Variants in RNF169 observed in about 807,000 individuals in gnomAD.
RNF169 encodes the protein E3 ubiquitin-protein ligase RNF169.
In RNF169, 24 loss-of-function variants were observed where a neutral mutation model predicts 53.9. The ratio of observed to expected loss-of-function variants is 0.45; its 90% CI spans 0.32 to 0.63. The LOEUF (loss-of-function observed/expected upper bound fraction) is 0.63. Ranked by LOEUF, RNF169 falls within the 20% of genes least tolerant of loss-of-function variation. The pLI is 0.04. For missense variants in RNF169, 883 were observed against 906.2 expected, an observed-to-expected ratio of 0.97 and a Z score of 0.33; for synonymous variants, 396 against 363.5, an observed-to-expected ratio of 1.09 and a Z score of -1.02.
intron 1 of RNF169, among the ~76,000 whole-genome samples, chr11:74,780,708 T>G (rs905453383): frequency 2.0e-5 from 3 of 152,222 alleles, no homozygotes; most frequent in African/African-American, 7.2e-5. Context: ...TGAAGCAGAT[T>G]GTAGCAGACA....
In RNF169 at chr11:74,807,232, A is replaced by G. The variant is rs547123287; in HGVS notation, c.577-2952A>G. On this transcript the variant is annotated intron_variant, in intron 2 of 5. Coordinates refer to ENST00000299563, the MANE Select transcript of RNF169 (RefSeq NM_001098638.2). ...TTACTCAGGTTGTACAAGCCAATCA[A>G]TGTGGAGTATTTAACACTCCATGGG... is the stretch of plus-strand genomic sequence containing the variant. 1.9e-4 allele frequency among the ~76,000 whole-genome samples: 29 copies of G among 152,254 alleles called. No homozygotes were observed. The East Asian group carries it at 2.7e-3, about 14-fold the overall frequency.
chr11:74,821,053 T>C (rs1200808814), intron 4 of RNF169, among the ~76,000 whole-genome samples: 1 of 152,220 alleles, frequency 6.6e-6, no homozygotes, highest in Non-Finnish European at 1.5e-5. Flanking sequence ...AGAGAAGGAA[T>C]TGGAACCCAG....
rs536532321 is a variant in RNF169, at chr11:74,817,474, T to C, written c.724-122T>C. 110 of 668,732 alleles carry C rather than the reference T, an allele frequency of 1.6e-4. 1 individual carries two copies. The highest frequency in any genetic ancestry group is 1.6e-3 in the South Asian group (87 of 54,900). The allele number at this position is 668,732 out of a possible 1,614,324, so 41.4% of individuals were successfully genotyped here. A position where few individuals can be genotyped will look rare whatever the true frequency, so the allele number is the denominator to read the frequency against. ...TGAGATTGGTATCTCCAGGAGGCAGTTGGAAACATAGGTTGGAGCTCACAG... is the reference window on the plus strand; with the variant it reads ...TGAGATTGGTATCTCCAGGAGGCAGCTGGAAACATAGGTTGGAGCTCACAG... On this transcript the variant is annotated intron_variant, in intron 3 of 5. Coordinates refer to ENST00000299563, the MANE Select transcript of RNF169 (RefSeq NM_001098638.2).
intron 4 of RNF169, among the ~76,000 whole-genome samples, chr11:74,823,971 C>T (rs2036055595): frequency 1.3e-5 from 2 of 152,048 alleles, no homozygotes; most frequent in Non-Finnish European, 2.9e-5. Context: ...TCATAGTTGC[C>T]ACCTTATAAT....
chr11:74,822,185 C>T (rs1003625449), intron 4 of RNF169, among the ~76,000 whole-genome samples: 5 of 151,442 alleles, frequency 3.3e-5, no homozygotes, highest in East Asian at 3.9e-4. Context: ...ACAAGTATGG[C>T]GTAGGTATGT....
chr11:74,769,671 C>G (rs892146563), intron 1 of RNF169, among the ~76,000 whole-genome samples: 1 of 151,902 alleles, frequency 6.6e-6, no homozygotes, highest in Non-Finnish European at 1.5e-5. Flanking sequence ...AAAATACTTG[C>G]AAAAGGAAAA....
At chr11:74,812,161 G>A (rs922710569) in intron 3 of RNF169, among the ~76,000 whole-genome samples, 1 of 152,158 alleles carries the variant, frequency 6.6e-6, no homozygotes, top group Non-Finnish European at 1.5e-5. Flanking sequence ...GAATCAGAAA[G>A]TACAAATTCT....
chr11:74,799,990 A>G (rs996214227), intron 2 of RNF169, among the ~76,000 whole-genome samples: 6 of 150,534 alleles, frequency 4.0e-5, no homozygotes, highest in Admixed American at 2.7e-4. Context: ...GAAGTTTTCC[A>G]TATTAATATA....
chr11:74,748,994 C>T lies in RNF169; in HGVS notation c.114C>T (p.Ala38=). Residue 38 remains alanine (A), a synonymous_variant, in exon 1 of 6, where the codon GCC becomes GCT. Transcript: ENST00000299563. ...CDETAAAKTG[A]PGPASGPSLL... is the part of the protein sequence containing the mutation. ...AGACGGCGGCAGCTAAGACTGGGGCCCCAGGCCCGGCTTCTGGACCTTCGC... is the reference window on the plus strand; with the variant it reads ...AGACGGCGGCAGCTAAGACTGGGGCTCCAGGCCCGGCTTCTGGACCTTCGC... The T allele has an allele frequency of 6.7e-7, 1 of 1,498,232 alleles. No homozygotes were observed. Among genetic ancestry groups the T allele is most frequent in the Non-Finnish European group, 8.9e-7 (1 of 1,119,248 alleles). The allele number at this position is 1,498,232 out of a possible 1,614,324, so 92.8% of individuals were successfully genotyped here.
intron 2 of RNF169, among the ~76,000 whole-genome samples, chr11:74,803,856 G>A (rs774699701): frequency 1.1e-4 from 16 of 152,216 alleles, no homozygotes; most frequent in Non-Finnish European, 1.9e-4. Context: ...CATTATTCAA[G>A]ATATGTGGAT....
intron 1 of RNF169, among the ~76,000 whole-genome samples, chr11:74,776,376 T>G (rs2035335436): frequency 6.6e-6 from 1 of 152,068 alleles, no homozygotes; most frequent in South Asian, 2.1e-4. Flanking sequence ...TAATGAGACT[T>G]TGACTTTAAT....
chr11:74,795,497 G>T (rs2035635510), intron 2 of RNF169, among the ~76,000 whole-genome samples: 1 of 152,142 alleles, frequency 6.6e-6, no homozygotes, highest in Non-Finnish European at 1.5e-5. Flanking sequence ...AAGGAATGCT[G>T]TGCTGAGCAC....
At chr11:74,749,817 G>A in intron 1 of RNF169, among the ~76,000 whole-genome samples, 1 of 152,086 alleles carries the variant, frequency 6.6e-6, no homozygotes, top group African/African-American at 2.4e-5. Flanking sequence ...CCGGAGTTTA[G>A]GGAACAGGTT....
chr11:74,825,346 A>G (rs2036079186), intron 4 of RNF169, among the ~76,000 whole-genome samples: 1 of 152,234 alleles, frequency 6.6e-6, no homozygotes, highest in Admixed American at 6.5e-5. Flanking sequence ...CGTTCTTTAA[A>G]ACCAGTGAGC....
intron 1 of RNF169, among the ~76,000 whole-genome samples, chr11:74,758,592 C>T (rs1229587507): frequency 6.6e-6 from 1 of 151,744 alleles, no homozygotes; most frequent in Non-Finnish European, 1.5e-5. Context: ...AGCTCCGCCT[C>T]CCGGTTTCAC....
chr11:74,795,594 C>T (rs1384539636), intron 2 of RNF169, among the ~76,000 whole-genome samples: 1 of 152,220 alleles, frequency 6.6e-6, no homozygotes, highest in East Asian at 1.9e-4. Context: ...GGCACATTGG[C>T]TCATGGCCAT....
At chr11:74,792,886 A>G (rs565646498) in intron 2 of RNF169, among the ~76,000 whole-genome samples, 7 of 152,290 alleles carry the variant, frequency 4.6e-5, no homozygotes, top group Non-Finnish European at 1.0e-4. Flanking sequence ...ACACTCATCT[A>G]TATCATTTGG....
chr11:74,779,177 TTAGA>T (rs1377401433), intron 1 of RNF169, among the ~76,000 whole-genome samples: 1 of 152,192 alleles, frequency 6.6e-6, no homozygotes. Flanking sequence ...GATAACTGTC[TTAGA>T]TAGATTCCTA....
chr11:74,813,441 T>C (rs2035901110), intron 3 of RNF169, among the ~76,000 whole-genome samples: 2 of 152,212 alleles, frequency 1.3e-5, no homozygotes, highest in South Asian at 4.1e-4. Context: ...TTTAATCCAA[T>C]AATAATGCGA....
Sources: gnomAD v4.1 joint callset for allele counts (sites outside exome capture counted in the v4.1 genomes callset) on GRCh38, gnomAD v4.1.1 for gene constraint, MANE v1.5 for transcripts, NCBI Gene and HGNC (gene_info 2026-07-23, HGNC 2026-07-21) for gene names.